SGCZ: variants seen among roughly 807,000 people sequenced by gnomAD.
SGCZ encodes sarcoglycan zeta.
Under a neutral mutation model 41.3 loss-of-function variants are expected in SGCZ, and 40 were observed. The observed-to-expected ratio is 0.97, with a 90% CI of 0.75 to 1.26. The LOEUF (loss-of-function observed/expected upper bound fraction) is 1.26. SGCZ is among the 50% of genes most tolerant of loss of function. SGCZ has a pLI of 0.00. For synonymous variants in SGCZ, 206 were observed against 137.5 expected (o/e 1.50, Z -3.49); for missense variants, 552 against 369.8 (o/e 1.49, Z -4.04).
At chr8:14,244,980 A>G (rs1353871439) in intron 3 of SGCZ, among the ~76,000 whole-genome samples, 1 of 152,044 alleles carries the variant, frequency 6.6e-6, no homozygotes, top group Non-Finnish European at 1.5e-5. Flanking sequence ...TTATCAGCTT[A>G]AGGAGATTTT....
chr8:14,221,346 A>C (rs1232465823), intron 4 of SGCZ, among the ~76,000 whole-genome samples: 1 of 152,258 alleles, frequency 6.6e-6, no homozygotes, highest in African/African-American at 2.4e-5. Context: ...AAATTTACAC[A>C]CATGGTTTAT....
chr8:14,090,694 T>A, intron 7 of SGCZ, 57 bp from the exon 8 acceptor site: 3 of 1,418,338 alleles, frequency 2.1e-6, no homozygotes, highest in South Asian at 2.6e-5. Flanking sequence ...CATCGAGTAA[T>A]CTACATCCCT....
At chr8:15,014,585 A>G (rs1033654832) in intron 1 of SGCZ, among the ~76,000 whole-genome samples, 2 of 152,234 alleles carry the variant, frequency 1.3e-5, no homozygotes, top group African/African-American at 4.8e-5. Context: ...TCTGGTCATC[A>G]GCTGCCCATG....
At chr8:15,060,332 T>C (rs928811146) in intron 1 of SGCZ, among the ~76,000 whole-genome samples, 1 of 151,886 alleles carries the variant, frequency 6.6e-6, no homozygotes, top group African/African-American at 2.4e-5. Flanking sequence ...TGGAATACTA[T>C]GCAGCCATAA....
intron 1 of SGCZ, among the ~76,000 whole-genome samples, chr8:14,739,022 T>C (rs1044482142): frequency 1.4e-4 from 21 of 152,052 alleles, no homozygotes; most frequent in African/African-American, 5.1e-4. Flanking sequence ...GGGCTTTTAA[T>C]TGTGTTAGTT....
intron 1 of SGCZ, among the ~76,000 whole-genome samples, chr8:14,616,872 C>T (rs1015945172): frequency 2.0e-5 from 3 of 152,078 alleles, no homozygotes; most frequent in Non-Finnish European, 4.4e-5. Flanking sequence ...CAGCATTGTC[C>T]TTAAGGAACT....
intron 1 of SGCZ, among the ~76,000 whole-genome samples, chr8:14,788,432 G>C (rs1246822920): frequency 6.6e-6 from 1 of 152,132 alleles, no homozygotes; most frequent in Non-Finnish European, 1.5e-5. Flanking sequence ...GAAATCAAAT[G>C]ACACAAAAAG....
rs1015665449 is a variant in SGCZ at position 14,849,893 on chromosome 8, T to A, written c.40-294967A>T. ...GAAACTTTTTAAATTAGGCACTTTT[T>A]AAAAAGCAAAATGTCTCTTTTATTT... On this transcript the variant is annotated intron_variant, in intron 1 of 7. Transcript: ENST00000382080. 8.5e-5 allele frequency among the ~76,000 whole-genome samples: 13 copies of A among 152,192 alleles called. 1 individual carries two copies. Among genetic ancestry groups the A allele is most frequent in the Admixed American group, 8.5e-4 (13 of 15,276 alleles).
intron 2 of SGCZ, among the ~76,000 whole-genome samples, chr8:14,551,985 G>A (rs1040845501): frequency 6.6e-6 from 1 of 151,666 alleles, no homozygotes; most frequent in Admixed American, 6.6e-5. Context: ...TCAAATAAAA[G>A]ATGTTAACAG....
At chr8:14,155,075 C>T (rs1803836232) in intron 5 of SGCZ, among the ~76,000 whole-genome samples, 1 of 152,198 alleles carries the variant, frequency 6.6e-6, no homozygotes. Context: ...AAATAGATAA[C>T]TAGAAAACCA....
At chr8:14,739,903 A>G (rs1563237711) in intron 1 of SGCZ, among the ~76,000 whole-genome samples, 1 of 151,986 alleles carries the variant, frequency 6.6e-6, no homozygotes, top group East Asian at 1.9e-4. Flanking sequence ...ACCTTTCCGT[A>G]CCACCCACCA....
Position 14,758,697 on chromosome 8 carries a change from T to G in SGCZ, c.40-203771A>C, listed in dbSNP as rs60068972. Among the ~76,000 whole-genome samples, 5 of 152,322 alleles carry G rather than the reference T, an allele frequency of 3.3e-5. No homozygotes were observed. The East Asian group carries it at 9.7e-4, about 29-fold the overall frequency. ...TAAAGCGAAATTATTTACCATTTAT[T>G]TCTTTATTTTCTTAAAATTCTTTAC... On this transcript the variant is annotated intron_variant, in intron 1 of 7. Transcript: ENST00000382080.
intron 2 of SGCZ, among the ~76,000 whole-genome samples, chr8:14,404,661 T>A (rs28418768): frequency 0.15 from 22,764 of 152,168 alleles, 3,873 homozygotes; most frequent in African/African-American, 0.42. Flanking sequence ...GAAGTCAAGA[T>A]TCTTAGACCA....
chr8:15,108,478 T>C (rs1235186618), intron 1 of SGCZ, among the ~76,000 whole-genome samples: 3 of 152,214 alleles, frequency 2.0e-5, no homozygotes, highest in African/African-American at 7.2e-5. Flanking sequence ...TTGAATGCTA[T>C]GCTGCATATA....
intron 3 of SGCZ, among the ~76,000 whole-genome samples, chr8:14,294,914 G>A (rs10441656): frequency 0.032 from 4,890 of 152,076 alleles, 271 homozygotes; most frequent in African/African-American, 0.11. Flanking sequence ...ATTCTGCAAA[G>A]GCCAAGTATT....
At chr8:14,357,653 A>G (rs1162397216) in intron 2 of SGCZ, among the ~76,000 whole-genome samples, 1 of 152,194 alleles carries the variant, frequency 6.6e-6, no homozygotes, top group Admixed American at 6.5e-5. Flanking sequence ...ATAAAATGTC[A>G]AAGGCATTGA....
At chr8:14,831,496 A>C (rs960751126) in intron 1 of SGCZ, among the ~76,000 whole-genome samples, 1 of 152,156 alleles carries the variant, frequency 6.6e-6, no homozygotes, top group African/African-American at 2.4e-5. Flanking sequence ...TCAGATAGAC[A>C]TCGACTTGAA....
rs577962729 is a variant in SGCZ at position 14,442,290 on chromosome 8, G to A, written c.234+112442C>T. Among the ~76,000 whole-genome samples the A allele has an allele frequency of 6.4e-4, 98 of 152,222 alleles. 1 individual carries two copies. The highest frequency in any genetic ancestry group is 2.3e-3 in the African/African-American group (96 of 41,526). ...TCTCGTGATAATGAATAAGTATCAT[G>A]AGATCTGATGGTTTTATAAAAGGGA... is the stretch of plus-strand genomic sequence containing the variant. On this transcript the variant is annotated intron_variant, in intron 2 of 7. Coordinates refer to ENST00000382080, the MANE Select transcript of SGCZ (RefSeq NM_139167.4).
At chr8:14,323,808 TG>T (rs1802006994) in intron 3 of SGCZ, among the ~76,000 whole-genome samples, 1 of 152,020 alleles carries the variant, frequency 6.6e-6, no homozygotes, top group Admixed American at 6.6e-5. Flanking sequence ...AATGCCCCCT[TG>T]GGATTTACTG....
Sources: allele counts gnomAD v4.1 joint callset (sites outside exome capture counted in the v4.1 genomes callset), GRCh38; gene constraint gnomAD v4.1.1; transcripts MANE v1.5; gene names NCBI Gene and HGNC (gene_info 2026-07-23, HGNC 2026-07-21).